SPTBN2: variants seen among roughly 807,000 people sequenced by gnomAD.
SPTBN2 encodes the protein spectrin beta, non-erythrocytic 2.
A neutral mutation model predicts 284.2 loss-of-function variants in SPTBN2; 107 were observed. The observed-to-expected ratio is 0.38, with a 90% confidence interval of 0.32 to 0.44. SPTBN2 has a LOEUF of 0.44. Ranked by LOEUF, SPTBN2 falls within the 20% of genes least tolerant of loss-of-function variation. The probability of loss-of-function intolerance (pLI) is 1.00; values close to 1 mark genes in which losing one functional copy is unlikely to be tolerated. For missense variants in SPTBN2, 2,569 were observed against 3,287.1 expected (o/e 0.78, Z 5.34); for synonymous variants, 1,289 against 1,354.8 (o/e 0.95, Z 1.07).
chr11:66,685,533 AGGGGCAGC>A lies in SPTBN2; in HGVS notation c.*330_*337del, dbSNP rs573941313. The A allele has an allele frequency of 9.7e-5, 34 of 348,978 alleles. No homozygotes were observed. The highest frequency in any genetic ancestry group is 1.4e-4 in the Non-Finnish European group (25 of 181,926). The allele number at this position is 348,978 out of a possible 1,614,324, so 21.6% of individuals were successfully genotyped here. A position where few individuals can be genotyped will look rare whatever the true frequency, so the allele number is the denominator to read the frequency against. ...CATGGCAGGAGAATGACCCTGAGGC[AGGGGCAGC>A]CACTCCCCACATGGCCTATGTTGAG... On this transcript the variant is annotated 3_prime_UTR_variant, in exon 38 of 38. Transcript: ENST00000533211. The surrounding 1 kb of genome is among the most constrained non-coding windows in gnomAD (Gnocchi z 4.4).
Position 66,691,601 on chromosome 11 carries a change from G to T in SPTBN2, c.5248C>A (p.Arg1750Ser), listed in dbSNP as rs886048548. Residue 1750 changes from arginine (R) to serine (S), a missense_variant, in exon 27 of 38, where the codon CGC becomes AGC. Coordinates refer to ENST00000533211, the MANE Select transcript of SPTBN2 (RefSeq NM_006946.4). The surrounding 1 kb of genome is among the most constrained non-coding windows in gnomAD (Gnocchi z 8.0). ...GCCAGCGCATTGGCGCTATCTACGC[G>T]CTCCTGACCGATGGTGCTTGTGTCC... ...SRDTSTIGQE[R>S]VDSANALANG... 1.9e-6 allele frequency: 3 copies of T among 1,613,684 alleles called. No individual in the cohort carries two copies. The highest frequency in any genetic ancestry group is 2.5e-6 in the Non-Finnish European group (3 of 1,180,054).
At position 66,720,945 on chromosome 11, in the gene SPTBN2, A is replaced by G. The variant is rs963520407; in HGVS notation, c.157+139T>C. Reference sequence around the variant, plus strand: ...CCTATTCTTGAGGCTGGATGTGGGGACCAGGGAATTGATAGAGTGCTCTGG... The same window carrying G: ...CCTATTCTTGAGGCTGGATGTGGGGGCCAGGGAATTGATAGAGTGCTCTGG... On this transcript the variant is annotated intron_variant, in intron 3 of 37. Transcript: ENST00000533211. 5.2e-6 allele frequency: 6 copies of G among 1,153,024 alleles called. No homozygotes were observed. In the African/African-American group the frequency reaches 9.2e-5, roughly 18 times the overall value. The allele number at this position is 1,153,024 out of a possible 1,614,324, so 71.4% of individuals were successfully genotyped here. A position where few individuals can be genotyped will look rare whatever the true frequency, so the allele number is the denominator to read the frequency against.
upstream of SPTBN2, among the ~76,000 whole-genome samples, chr11:66,733,984 CA>C (rs60666832): frequency 0.38 from 29,237 of 76,038 alleles, 2,968 homozygotes; most frequent in African/African-American, 0.51. Context: ...GACTCCGTCT[CA>C]AAAAAAAAAA....
intron 3 of SPTBN2, among the ~76,000 whole-genome samples, chr11:66,717,705 C>T (rs1433888117): frequency 1.3e-5 from 2 of 152,186 alleles, no homozygotes; most frequent in East Asian, 1.9e-4. Context: ...TGGGGTGAGG[C>T]CATTTTGGCA....
In SPTBN2 at chr11:66,683,098, C is replaced by G. The variant is rs1471466297; in HGVS notation, c.*2773G>C. 1.8e-5 allele frequency among the ~76,000 whole-genome samples: 2 copies of G among 112,074 alleles called. No individual in the cohort carries two copies. The highest frequency in any genetic ancestry group is 3.4e-5 in the Non-Finnish European group (2 of 59,332). The allele number at this position is 112,074 out of a possible 152,430, so 73.5% of individuals were successfully genotyped here. A position where few individuals can be genotyped will look rare whatever the true frequency, so the allele number is the denominator to read the frequency against. On this transcript the variant is annotated 3_prime_UTR_variant, in exon 38 of 38. Transcript: ENST00000533211. The stretch of plus-strand genomic sequence containing the variant: ...TTTTTTTTTTTTTGAGATGGAGTCT[C>G]GCTCTGTCACCCAGGCTGGAGCGCA...
intron 1 of SPTBN2, among the ~76,000 whole-genome samples, chr11:66,726,189 A>T (rs1819648428): frequency 6.6e-6 from 1 of 152,222 alleles, no homozygotes; most frequent in Non-Finnish European, 1.5e-5. Flanking sequence ...TGTCTTTCTT[A>T]GGACTAGAGA....
Position 66,693,221 on chromosome 11 carries a change from G to C in SPTBN2, c.4819C>G (p.Gln1607Glu). The change falls in exon 24 of 38, where the codon CAG (glutamine) becomes GAG (glutamate). Residue 1607 changes from glutamine (Q) to glutamate (E), a missense_variant. Transcript: ENST00000533211. The surrounding 1 kb of genome is among the most constrained non-coding windows in gnomAD (Gnocchi z 5.7). ...AAEAEAWMGE[Q>E]ELHMMGQEKA... ...TCCTGGCCCATCATGTGTAATTCCTGCTCGCCCATCCAGGCCTCCGCCTCG... is the reference window on the plus strand; with the variant it reads ...TCCTGGCCCATCATGTGTAATTCCTCCTCGCCCATCCAGGCCTCCGCCTCG... The C allele has an allele frequency of 1.2e-6, 2 of 1,614,210 alleles. No individual in the cohort carries two copies. The highest frequency in any genetic ancestry group is 1.7e-6 in the Non-Finnish European group (2 of 1,180,042).
chr11:66,686,822 G>A (rs1940147330), intron 36 of SPTBN2, 172 bp downstream of exon 36: 2 of 854,848 alleles, frequency 2.3e-6, no homozygotes, highest in East Asian at 5.1e-5. Context: ...CCCTTGGTGT[G>A]GAGACAACCA....
rs146190566 is a variant in SPTBN2, at chr11:66,721,509, G to A, written c.-113-69C>T. ...AGGCAGCAGCAGCTCAGAGCAATGCGGTGGTCAGGAAAGGCTCCAACGACT... is the reference window on the plus strand; with the variant it reads ...AGGCAGCAGCAGCTCAGAGCAATGCAGTGGTCAGGAAAGGCTCCAACGACT... On this transcript the variant is annotated intron_variant, in intron 1 of 37. Coordinates refer to ENST00000533211, the MANE Select transcript of SPTBN2 (RefSeq NM_006946.4). The A allele has an allele frequency of 1.9e-3, 994 of 518,484 alleles. 18 individuals are homozygous for A. In the East Asian group the frequency reaches 0.033, roughly 17 times the overall value. The allele number at this position is 518,484 out of a possible 1,614,324, so 32.1% of individuals were successfully genotyped here.
chr11:66,713,630 C>T lies in SPTBN2; in HGVS notation c.772+1G>A. 1 of 1,613,110 alleles carries T rather than the reference C, an allele frequency of 6.2e-7. No individual in the cohort carries two copies. ...TCTTTTTCACATAGCTCTGGCCCCA[C>T]CTTCGGGATCCAGCAGCTTGGTAAG... On this transcript the variant is annotated splice_donor_variant, in intron 8 of 37. Transcript: ENST00000533211. LOFTEE classifies it high-confidence loss of function.
At chr11:66,717,128 A>G (rs555057963) in intron 3 of SPTBN2, among the ~76,000 whole-genome samples, 11 of 152,202 alleles carry the variant, frequency 7.2e-5, no homozygotes, top group South Asian at 2.1e-4. Context: ...AACATGGGGG[A>G]AAAAAAGCCA....
Position 66,715,798 on chromosome 11 carries a change from C to T in SPTBN2, c.309+32G>A, listed in dbSNP as rs965323403. 1 of 1,611,258 alleles carries T rather than the reference C, an allele frequency of 6.2e-7. No homozygotes were observed. On this transcript the variant is annotated intron_variant, in intron 4 of 37. Coordinates refer to ENST00000533211, the MANE Select transcript of SPTBN2 (RefSeq NM_006946.4). The surrounding 1 kb of genome is among the most constrained non-coding windows in gnomAD (Gnocchi z 5.3). ...GGTCCCCTTGGACACTTTTCTAAGGCCCCCCCACTTCCCTTCATGACCACA... is the reference window on the plus strand; with the variant it reads ...GGTCCCCTTGGACACTTTTCTAAGGTCCCCCCACTTCCCTTCATGACCACA...
chr11:66,715,600 G>A lies in SPTBN2; in HGVS notation c.310-205C>T, dbSNP rs1449112288. ...CCCAAGGGAATTAATTGCACCCAGA[G>A]TAGGTGGGAAAAGAAATGTTTTCAA... On this transcript the variant is annotated intron_variant, in intron 4 of 37. Coordinates refer to ENST00000533211, the MANE Select transcript of SPTBN2 (RefSeq NM_006946.4). The surrounding 1 kb of genome is among the most constrained non-coding windows in gnomAD (Gnocchi z 5.3). 6.6e-6 allele frequency among the ~76,000 whole-genome samples: 1 copy of A among 152,248 alleles called. No individual in the cohort carries two copies. The highest frequency in any genetic ancestry group is 6.5e-5 in the Admixed American group (1 of 15,288).
At chr11:66,731,435 AC>A (rs1942813532), upstream of SPTBN2, among the ~76,000 whole-genome samples, 1 of 152,228 alleles carries the variant, frequency 6.6e-6, no homozygotes. Flanking sequence ...TGCTTACATT[AC>A]CAAGATTCAT....
Position 66,715,390 on chromosome 11 carries a change from C to T in SPTBN2, c.315G>A (p.Lys105=). The T allele has an allele frequency of 1.2e-6, 2 of 1,611,346 alleles. No individual in the cohort carries two copies. The highest frequency in any genetic ancestry group is 1.7e-6 in the Non-Finnish European group (2 of 1,177,786). ...GGATCCGCATGCGGCCCTTTGTAGG[C>T]TTTGGCTGTGGAGGGACGGGGGCAA... ...LEVLSGEILP[K]PTKGRMRIHC... The change falls in exon 5 of 38, where the codon AAG becomes AAA. Residue 105 remains lysine (K), a synonymous_variant. Transcript: ENST00000533211. The surrounding 1 kb of genome is among the most constrained non-coding windows in gnomAD (Gnocchi z 5.3).
Position 66,718,428 on chromosome 11 carries a change from G to A in SPTBN2, c.158-2447C>T, listed in dbSNP as rs780836082. 6.6e-6 allele frequency among the ~76,000 whole-genome samples: 1 copy of A among 152,326 alleles called. No individual in the cohort carries two copies. Among genetic ancestry groups the A allele is most frequent in the South Asian group, 2.1e-4 (1 of 4,826 alleles). On this transcript the variant is annotated intron_variant, in intron 3 of 37. Coordinates refer to ENST00000533211, the MANE Select transcript of SPTBN2 (RefSeq NM_006946.4). The surrounding 1 kb of genome is among the most constrained non-coding windows in gnomAD (Gnocchi z 4.8). Reference sequence around the variant, plus strand: ...CCAGGCACAGTCGTCCCCACAGGGGGCCCCCGGGCCTCACCTTGCAGCTGT... The same window carrying A: ...CCAGGCACAGTCGTCCCCACAGGGGACCCCCGGGCCTCACCTTGCAGCTGT...
Position 66,736,465 on chromosome 11 carries a change from A to G in SPTBN2, c.-474-7273T>C, listed in dbSNP as rs573953197. ...GAATGATTCAGACTCATCTGGGAGC[A>G]GTCTGGGACCAACCATGATTCTCAA... On this transcript the variant is annotated intron_variant, in intron 1 of 37. Coordinates refer to the SPTBN2 transcript ENST00000611817. 5.9e-5 allele frequency among the ~76,000 whole-genome samples: 9 copies of G among 152,346 alleles called. No homozygotes were observed. In the South Asian group the frequency reaches 1.9e-3, roughly 32 times the overall value.
At chr11:66,742,228 G>GTTCTT (rs1942900210) in intron 1 of SPTBN2, among the ~76,000 whole-genome samples, 1 of 151,848 alleles carries the variant, frequency 6.6e-6, no homozygotes, top group Non-Finnish European at 1.5e-5. Context: ...AGATGAATAA[G>GTTCTT]AAAAAGTGAA....
At position 66,710,103 on chromosome 11, in the gene SPTBN2, C is replaced by T. The variant is rs1267823522; in HGVS notation, c.1073+479G>A. On this transcript the variant is annotated intron_variant, in intron 10 of 37. Transcript: ENST00000533211. The surrounding 1 kb of genome is among the most constrained non-coding windows in gnomAD (Gnocchi z 4.9). Reference sequence around the variant, plus strand: ...TGTCACCCAGGTTGGAGTGCAGTGGCGTGATCTTGGCTCACTGCAACCTCT... The same window carrying T: ...TGTCACCCAGGTTGGAGTGCAGTGGTGTGATCTTGGCTCACTGCAACCTCT... Among the ~76,000 whole-genome samples the T allele has an allele frequency of 1.3e-5, 2 of 152,188 alleles. No individual in the cohort carries two copies. Among genetic ancestry groups the T allele is most frequent in the Non-Finnish European group, 2.9e-5 (2 of 68,032 alleles).
Sources: allele counts gnomAD v4.1 joint callset (sites outside exome capture counted in the v4.1 genomes callset), GRCh38; gene constraint gnomAD v4.1.1; non-coding constraint Gnocchi (gnomAD v3.1); transcripts MANE v1.5; gene names NCBI Gene and HGNC (gene_info 2026-07-23, HGNC 2026-07-21).